The following CFAP95 variants were observed in gnomAD, a reference collection of about 807,000 sequenced individuals.
CFAP95 encodes cilia- and flagella-associated protein 95.
At chr9:69,880,143 T>C in the CFAP95 span, among the ~76,000 whole-genome samples, 1 of 152,218 alleles carries the variant, frequency 6.6e-6, no homozygotes, top group Non-Finnish European at 1.5e-5. Context: ...TTACAAACAA[T>C]CCAATTATAC....
chr9:69,823,044 A>T, the CFAP95 span, among the ~76,000 whole-genome samples: 2 of 152,212 alleles, frequency 1.3e-5, no homozygotes, highest in Non-Finnish European at 2.9e-5. Flanking sequence ...CTATAAATAA[A>T]TACTGGAGAC....
chr9:69,833,333 C>A, the CFAP95 span, among the ~76,000 whole-genome samples: 6 of 152,220 alleles, frequency 3.9e-5, no homozygotes, highest in African/African-American at 1.4e-4. Context: ...TAGTTTTTAT[C>A]AATACTTCAT....
At chr9:69,867,377 C>T in the CFAP95 span, among the ~76,000 whole-genome samples, 1 of 152,198 alleles carries the variant, frequency 6.6e-6, no homozygotes, top group African/African-American at 2.4e-5. Flanking sequence ...AACTTTATTA[C>T]AGTAGCCATT....
the CFAP95 span, among the ~76,000 whole-genome samples, chr9:69,830,407 T>C: frequency 6.6e-6 from 1 of 152,080 alleles, no homozygotes; most frequent in African/African-American, 2.4e-5. Flanking sequence ...AATAGCAAAT[T>C]TTACACACTC....
At chr9:69,866,892 G>A in the CFAP95 span, among the ~76,000 whole-genome samples, 5,023 of 152,268 alleles carry the variant, frequency 0.033, 255 homozygotes, top group African/African-American at 0.11. Context: ...TGAGGCAAGA[G>A]TGCTACCTGA....
the CFAP95 span, among the ~76,000 whole-genome samples, chr9:69,839,212 C>G: frequency 1.5e-5 from 2 of 129,098 alleles, no homozygotes; most frequent in Non-Finnish European, 3.2e-5. Context: ...TGTTGTGTCT[C>G]TGCCTGGCTT....
the CFAP95 span, among the ~76,000 whole-genome samples, chr9:69,839,760 T>G: frequency 6.6e-6 from 1 of 151,746 alleles, no homozygotes; most frequent in Admixed American, 6.6e-5. Context: ...TGGAAATACA[T>G]GTACATATTC....
At chr9:69,837,744 C>G in the CFAP95 span, among the ~76,000 whole-genome samples, 1 of 152,144 alleles carries the variant, frequency 6.6e-6, no homozygotes, top group Non-Finnish European at 1.5e-5. Context: ...AATTAGATCC[C>G]ATTTGTCAAT....
the CFAP95 span, among the ~76,000 whole-genome samples, chr9:69,879,893 AG>A: frequency 2.0e-5 from 3 of 151,850 alleles, no homozygotes; most frequent in Non-Finnish European, 2.9e-5. Flanking sequence ...TTTTAACCTT[AG>A]GTTCTGTCTT....
chr9:69,865,933 A>G, the CFAP95 span, among the ~76,000 whole-genome samples: 3 of 152,186 alleles, frequency 2.0e-5, no homozygotes, highest in South Asian at 6.2e-4. Flanking sequence ...TGGTTTCATC[A>G]TTATCTGAAT....
chr9:69,824,202 T>G, the CFAP95 span, among the ~76,000 whole-genome samples: 4 of 152,176 alleles, frequency 2.6e-5, no homozygotes, highest in African/African-American at 9.7e-5. Context: ...AGCAGGGTTT[T>G]GAACTAAGGA....
chr9:69,832,121 G>A, the CFAP95 span, among the ~76,000 whole-genome samples: 1 of 152,070 alleles, frequency 6.6e-6, no homozygotes, highest in South Asian at 2.1e-4. Flanking sequence ...ACTCAGTATT[G>A]TATAAGAACC....
At chr9:69,860,893 C>T in the CFAP95 span, among the ~76,000 whole-genome samples, 1 of 152,108 alleles carries the variant, frequency 6.6e-6, no homozygotes, top group East Asian at 1.9e-4. Flanking sequence ...ATGGAGTTGT[C>T]ATCTCCTGTG....
chr9:69,857,652 G>A, the CFAP95 span, among the ~76,000 whole-genome samples: 2 of 152,096 alleles, frequency 1.3e-5, no homozygotes, highest in African/African-American at 4.8e-5. Flanking sequence ...AGCCTCCCGA[G>A]TAGCTAGGGC....
At chr9:69,853,141 A>G in the CFAP95 span, among the ~76,000 whole-genome samples, 2 of 152,234 alleles carry the variant, frequency 1.3e-5, no homozygotes, top group African/African-American at 4.8e-5. Context: ...ATTGGGGATT[A>G]TCTAAAATGA....
the CFAP95 span, among the ~76,000 whole-genome samples, chr9:69,823,644 C>T: frequency 0.099 from 15,116 of 152,210 alleles, 862 homozygotes; most frequent in South Asian, 0.19. Context: ...TTTGAAGAGA[C>T]CACCAAACAG....
chr9:69,902,188 C>T, the CFAP95 span: 2 of 361,194 alleles, frequency 5.5e-6, no homozygotes, highest in African/African-American at 4.3e-5. Context: ...AAAATTGGCA[C>T]ATAATGTTGG....
the CFAP95 span, among the ~76,000 whole-genome samples, chr9:69,898,446 ATTG>A: frequency 6.6e-6 from 1 of 152,196 alleles, no homozygotes; most frequent in Non-Finnish European, 1.5e-5. Context: ...GGTAATTTTA[ATTG>A]TTGTATAATT....
At chr9:69,836,129 G>A in the CFAP95 span, among the ~76,000 whole-genome samples, 3 of 152,310 alleles carry the variant, frequency 2.0e-5, no homozygotes, top group Non-Finnish European at 4.4e-5. Flanking sequence ...GCCTTCTTAT[G>A]AAAGGTGGTA....
Sources: allele counts gnomAD v4.1 joint callset (sites outside exome capture counted in the v4.1 genomes callset), GRCh38; gene constraint gnomAD v4.1.1; transcripts MANE v1.5; gene names NCBI Gene and HGNC (gene_info 2026-07-23, HGNC 2026-07-21).